ITGA3: variants seen among roughly 807,000 people sequenced by gnomAD.
ITGA3 encodes the protein integrin alpha-3.
In ITGA3, 70 loss-of-function variants were observed where a neutral mutation model predicts 131.1. That is an observed-to-expected ratio of 0.53 (90% confidence interval 0.44 to 0.65). The LOEUF is 0.65. ITGA3 is among the 30% of genes least tolerant of loss of function. ITGA3 has a pLI of 0.00. For synonymous variants in ITGA3, 537 were observed against 571.6 expected (o/e 0.94, Z 0.86); for missense variants, 1,098 against 1,388.6 (o/e 0.79, Z 3.33).
chr17:50,079,614 G>T, intron 21 of ITGA3, 57 bp downstream of exon 21: 1 of 1,447,654 alleles, frequency 6.9e-7, no homozygotes, highest in South Asian at 1.6e-5. Context: ...CAGGGTGCCT[G>T]GGCACCAGGG....
intron 14 of ITGA3, 91 bp downstream of exon 14, chr17:50,076,772 CG>C (rs2144295888): frequency 7.7e-7 from 1 of 1,292,624 alleles, no homozygotes; most frequent in East Asian, 2.4e-5. Context: ...CATGGCAAGG[CG>C]AGCCCAGGGA....
chr17:50,071,735 C>A, intron 6 of ITGA3: 1 of 617,952 alleles, frequency 1.6e-6, no homozygotes, highest in Non-Finnish European at 2.8e-6. Flanking sequence ...TTTGTATGCT[C>A]CAGTGGATGT....
intron 7 of ITGA3, among the ~76,000 whole-genome samples, chr17:50,073,622 ACACACACACACG>A (rs1266584263): frequency 2.9e-5 from 4 of 137,202 alleles, no homozygotes; most frequent in Admixed American, 2.4e-4. Context: ...ACACACACAC[ACACACACACACG>A]CACACACGCA....
At position 50,074,261 on chromosome 17, in the gene ITGA3, G is replaced by C. The variant is rs554367981; in HGVS notation, c.1363G>C (p.Asp455His). The part of the protein sequence containing the change: ...YPDLLVGSLS[D>H]HIVLLRARPV... ...AGACCTTCTAGTGGGAAGCCTGTCA[G>C]ACCACATTGTGCTGCTGCGGTGAGC... is the stretch of plus-strand genomic sequence containing the variant. The change falls in exon 9 of 26, where the codon GAC becomes CAC. Residue 455 changes from aspartate to histidine, a missense_variant. This residue lies in a region of ITGA3 where 699 missense variants were observed against 829.2 expected (regional missense o/e 0.84). Transcript: ENST00000320031. 23 of 1,614,190 alleles carry C rather than the reference G, an allele frequency of 1.4e-5. No individual in the cohort carries two copies. The East Asian group carries it at 4.9e-4, about 34-fold the overall frequency.
rs374667784 is a variant in ITGA3, at chr17:50,076,563, A to G, written c.1825-21A>G. ...CACTGGGGGGGGTGGTGCGGCCTTC[A>G]CACCTCCGGCCACCCCCCAGGTCCA... On this transcript the variant is annotated intron_variant, in intron 13 of 25. Coordinates refer to ENST00000320031, the MANE Select transcript of ITGA3 (RefSeq NM_002204.4). The G allele has an allele frequency of 8.1e-6, 13 of 1,610,730 alleles. No individual in the cohort carries two copies. The African/African-American group carries it at 1.7e-4, about 22-fold the overall frequency.
In ITGA3 at chr17:50,076,956, C is replaced by T. The variant is rs1598191636; in HGVS notation, c.1923-18C>T. On this transcript the variant is annotated intron_variant, in intron 14 of 25. Coordinates refer to ENST00000320031, the MANE Select transcript of ITGA3 (RefSeq NM_002204.4). ...TGGGGGCGGGGCTCTTGGCTGAGTC[C>T]TGGGCTCCTGCTCTCAGGCTCCAGT... The T allele has an allele frequency of 6.3e-7, 1 of 1,597,462 alleles. No individual in the cohort carries two copies. Among genetic ancestry groups the T allele is most frequent in the African/African-American group, 1.3e-5 (1 of 74,788 alleles).
intron 4 of ITGA3, among the ~76,000 whole-genome samples, 200 bp from the exon 5 acceptor site, chr17:50,070,644 C>CAA (rs59600840): frequency 0.11 from 7,454 of 67,540 alleles, 710 homozygotes; most frequent in Non-Finnish European, 0.16. Context: ...AAGACTGTCT[C>CAA]AAAAAAAAAA....
intron 4 of ITGA3, 64 bp from the exon 5 acceptor site, chr17:50,070,770 TGGACATGGTA>T: frequency 1.1e-6 from 1 of 896,174 alleles, no homozygotes; most frequent in South Asian, 1.3e-5. Flanking sequence ...GGGGGTGGGC[TGGACATGGTA>T]GAGGAAACCA....
In ITGA3 at chr17:50,064,669, C is replaced by T. The variant is rs573623087; in HGVS notation, c.414+62C>T. The T allele has an allele frequency of 2.8e-6, 4 of 1,444,658 alleles. No individual in the cohort carries two copies. In the East Asian group the frequency reaches 6.9e-5, roughly 25 times the overall value. 89.5% of individuals were successfully genotyped at this position (1,444,658 alleles called of 1,614,324 possible). A position where few individuals can be genotyped will look rare whatever the true frequency, so the allele number is the denominator to read the frequency against. On this transcript the variant is annotated intron_variant, in intron 3 of 25. Transcript: ENST00000320031. The surrounding 1 kb of genome is among the most constrained non-coding windows in gnomAD (Gnocchi z 4.4). ...CCCGGCTCTCCCCTCATCTCCAGAG[C>T]TGGGAGGAAAGAAGAGGGCAGCAGG...
chr17:50,088,084 G>T, intron 24 of ITGA3, 141 bp from the exon 25 acceptor site: 1 of 1,284,374 alleles, frequency 7.8e-7, no homozygotes, highest in Non-Finnish European at 1.0e-6. Context: ...CAGGAGCTCT[G>T]GCTTCTGACC....
rs374344808 is a variant in ITGA3 at position 50,077,128 on chromosome 17, G to T, written c.2070+7G>T. ...GCTGTCCTCAGTGCGCCCCGTGAGT[G>T]CCCGCCGGCCGGCTCAGAGCCCAAG... On this transcript the variant is annotated splice_region_variant and intron_variant, in intron 15 of 25. Coordinates refer to ENST00000320031, the MANE Select transcript of ITGA3 (RefSeq NM_002204.4). 3.3e-6 allele frequency: 5 copies of T among 1,533,662 alleles called. No individual in the cohort carries two copies. The highest frequency in any genetic ancestry group is 2.7e-5 in the African/African-American group (2 of 72,936).
chr17:50,089,127 G>A lies in ITGA3; in HGVS notation c.*49G>A, dbSNP rs1479089963. On this transcript the variant is annotated 3_prime_UTR_variant, in exon 26 of 26. Transcript: ENST00000320031. ...AACTCCAGTGTGACTTCTTTAAGCGGACCCGCTATTATCAGATCATGCCCA... is the reference window on the plus strand; with the variant it reads ...AACTCCAGTGTGACTTCTTTAAGCGAACCCGCTATTATCAGATCATGCCCA... 1.2e-6 allele frequency: 2 copies of A among 1,613,094 alleles called. No homozygotes were observed. Among genetic ancestry groups the A allele is most frequent in the African/African-American group, 1.3e-5 (1 of 74,844 alleles).
intron 18 of ITGA3, 29 bp from the exon 19 acceptor site, chr17:50,078,795 C>A: frequency 2.1e-6 from 3 of 1,406,008 alleles, no homozygotes; most frequent in Non-Finnish European, 3.0e-6. Context: ...TCTTGTCCCC[C>A]GTGACTCCAG....
In ITGA3 at chr17:50,088,237, A is replaced by C; in HGVS notation, c.3058A>C (p.Lys1020Gln). 1 of 1,565,738 alleles carries C rather than the reference A, an allele frequency of 6.4e-7. No homozygotes were observed. Residue 1020 changes from lysine to glutamine, a missense_variant, in exon 25 of 26, where the codon AAG becomes CAG. Physicochemically the swap from Lys to Gln is moderately conservative, Grantham distance 53. This residue lies in a region of ITGA3 where 699 missense variants were observed against 829.2 expected (regional missense o/e 0.84). Coordinates refer to ENST00000320031, the MANE Select transcript of ITGA3 (RefSeq NM_002204.4). ...CTCCCCTCCGCAGTGCGGCTTCTTC[A>C]AGCGAGCCCGCACTCGCGCCCTGTA... ...ILLLWKCGFF[K>Q]RARTRALYEA...
chr17:50,087,150 T>C (rs974300672), intron 23 of ITGA3: 2 of 152,208 alleles, frequency 1.3e-5, no homozygotes, highest in Admixed American at 6.6e-5. Context: ...GAGTGTTTGC[T>C]GTGTAGCAGG....
intron 10 of ITGA3, 122 bp from the exon 11 acceptor site, chr17:50,075,337 G>A (rs917262830): frequency 1.8e-5 from 17 of 968,964 alleles, no homozygotes; most frequent in Non-Finnish European, 2.8e-5. Flanking sequence ...GGACTCCCCA[G>A]TTTTGTCCCT....
At position 50,089,531 on chromosome 17, in the gene ITGA3, C is replaced by G; in HGVS notation, c.*453C>G. Reference sequence around the variant, plus strand: ...TGGGGCCCACTGCTCGTGGACTGTGCTGGTGCATCACGGATGGTGCATGGG... The same window carrying G: ...TGGGGCCCACTGCTCGTGGACTGTGGTGGTGCATCACGGATGGTGCATGGG... On this transcript the variant is annotated 3_prime_UTR_variant, in exon 26 of 26. Coordinates refer to ENST00000320031, the MANE Select transcript of ITGA3 (RefSeq NM_002204.4). 6.1e-6 allele frequency: 3 copies of G among 491,352 alleles called. No homozygotes were observed. The South Asian group carries it at 7.7e-5, about 13-fold the overall frequency. 30.4% of individuals were successfully genotyped at this position (491,352 alleles called of 1,614,324 possible).
Position 50,071,354 on chromosome 17 carries a change from C to T in ITGA3, c.795C>T (p.Asn265=). 1.2e-6 allele frequency: 2 copies of T among 1,614,194 alleles called. No homozygotes were observed. The highest frequency in any genetic ancestry group is 1.3e-5 in the African/African-American group (1 of 75,078). The change falls in exon 6 of 26, where the codon AAC becomes AAT. Residue 265 remains asparagine (N), a synonymous_variant. Transcript: ENST00000320031. ...GCAGCTTCATCCTGCACCCCAAAAA[C>T]ATCACCATTGTGACAGGTGCCCCAC... is the stretch of plus-strand genomic sequence containing the variant. ...QVGSFILHPK[N]ITIVTGAPRH...
rs1908925786 is a variant in ITGA3 at position 50,076,744 on chromosome 17, AG to A, written c.1922+66del. The A allele has an allele frequency of 6.9e-6, 4 of 579,490 alleles. No homozygotes were observed. The Admixed American group carries it at 8.5e-5, about 12-fold the overall frequency. 35.9% of individuals were successfully genotyped at this position (579,490 alleles called of 1,614,324 possible). On this transcript the variant is annotated intron_variant, in intron 14 of 25. Transcript: ENST00000320031. ...GTGGGACGGGGCCTCATTAACTGGCAGGGTGGGGGCGGGGCCTCATGGCAAG... is the reference window on the plus strand; with the variant it reads ...GTGGGACGGGGCCTCATTAACTGGCAGGTGGGGGCGGGGCCTCATGGCAAG...
Sources: gnomAD v4.1 joint callset for allele counts (sites outside exome capture counted in the v4.1 genomes callset) on GRCh38, gnomAD v4.1.1 for gene constraint, gnomAD v4.1.1 regional missense constraint, Gnocchi (gnomAD v3.1) non-coding constraint, MANE v1.5 for transcripts, NCBI Gene and HGNC (gene_info 2026-07-23, HGNC 2026-07-21) for gene names.